CAPN1: variants seen among roughly 807,000 people sequenced by gnomAD.
CAPN1 encodes calpain 1.
CAPN1 carries 77 observed loss-of-function variants against 105.2 expected under a neutral mutation model. The observed-to-expected ratio is 0.73, with a 90% CI of 0.61 to 0.88. CAPN1 has a LOEUF of 0.88. CAPN1 is among the 40% of genes least tolerant of loss of function. The pLI, the probability that CAPN1 is intolerant of heterozygous loss-of-function variation, is 0.00. For missense variants in CAPN1, 833 were observed against 976.6 expected (o/e 0.85, Z 1.96); for synonymous variants, 355 against 388.8 (o/e 0.91, Z 1.02).
At chr11:65,203,872 TTTATTATTATTA>T (rs201058925) in intron 10 of CAPN1, among the ~76,000 whole-genome samples, 1 of 151,816 alleles carries the variant, frequency 6.6e-6, no homozygotes, top group Non-Finnish European at 1.5e-5. Context: ...TGTTATTATC[TTTATTATTATTA>T]TTATTATTGT....
chr11:65,185,145 T>C (rs566973049), intron 4 of CAPN1, among the ~76,000 whole-genome samples: 36 of 152,106 alleles, frequency 2.4e-4, no homozygotes, highest in African/African-American at 7.0e-4. Context: ...GGCATACAAA[T>C]TGATTAGCCT....
chr11:65,197,529 T>C (rs1948808358), intron 10 of CAPN1, among the ~76,000 whole-genome samples: 1 of 152,212 alleles, frequency 6.6e-6, no homozygotes, highest in Non-Finnish European at 1.5e-5. Flanking sequence ...CCAATCTTTC[T>C]ATAGCCCAAT....
intron 10 of CAPN1, among the ~76,000 whole-genome samples, chr11:65,191,342 C>T (rs991446211): frequency 1.3e-5 from 2 of 152,102 alleles, no homozygotes; most frequent in African/African-American, 4.8e-5. Flanking sequence ...GTTGCTCATA[C>T]GATAACATGC....
At chr11:65,203,878 A>T (rs1948909881) in intron 10 of CAPN1, among the ~76,000 whole-genome samples, 1 of 151,848 alleles carries the variant, frequency 6.6e-6, no homozygotes, top group African/African-American at 2.4e-5. Context: ...TATCTTTATT[A>T]TTATTATTAT....
chr11:65,211,141 A>C lies in CAPN1; in HGVS notation c.2119-119A>C, dbSNP rs1405716515. 3.5e-6 allele frequency: 4 copies of C among 1,146,402 alleles called. No individual in the cohort carries two copies. The East Asian group carries it at 1.0e-4, about 29-fold the overall frequency. The allele number at this position is 1,146,402 out of a possible 1,614,324, so 71.0% of individuals were successfully genotyped here. ...GAGGAGGTAAGAAAGTAACCCCTCC[A>C]TGAGGTTCCTGAGGTGGCTCCTGAG... On this transcript the variant is annotated intron_variant, in intron 21 of 21. Coordinates refer to ENST00000279247, the MANE Select transcript of CAPN1 (RefSeq NM_005186.4).
rs1171985764 is a variant in CAPN1, at chr11:65,183,123, C to G, written c.268-5C>G. ...CCGAGGAACAGGACTCTGGGTCTCT[C>G]GTAGGAACTGCTGTCAAACCCCCAG... On this transcript the variant is annotated splice_region_variant and splice_polypyrimidine_tract_variant and intron_variant, in intron 2 of 21. Transcript: ENST00000279247. 6.2e-7 allele frequency: 1 copy of G among 1,613,802 alleles called. No homozygotes were observed. The highest frequency in any genetic ancestry group is 1.7e-5 in the Admixed American group (1 of 60,008).
At chr11:65,194,210 C>T (rs903924603) in intron 10 of CAPN1, among the ~76,000 whole-genome samples, 5 of 152,006 alleles carry the variant, frequency 3.3e-5, no homozygotes, top group African/African-American at 4.8e-5. Flanking sequence ...TCAACTGATC[C>T]GCCCTGCTGT....
intron 7 of CAPN1, 192 bp downstream of exon 7, chr11:65,187,490 G>C (rs1027247719): frequency 1.7e-6 from 1 of 596,598 alleles, no homozygotes; most frequent in Admixed American, 3.0e-5. Context: ...TGTAGTTCAT[G>C]TGTGCAGCTG....
At position 65,210,741 on chromosome 11, in the gene CAPN1, G is replaced by T. The variant is rs1363799772; in HGVS notation, c.2060-73G>T. 10 of 1,224,574 alleles carry T rather than the reference G, an allele frequency of 8.2e-6. No homozygotes were observed. Among genetic ancestry groups the T allele is most frequent in the Non-Finnish European group, 1.2e-5 (10 of 825,196 alleles). 75.9% of individuals were successfully genotyped at this position (1,224,574 alleles called of 1,614,324 possible). On this transcript the variant is annotated intron_variant, in intron 20 of 21. Coordinates refer to ENST00000279247, the MANE Select transcript of CAPN1 (RefSeq NM_005186.4). The surrounding 1 kb of genome is among the most constrained non-coding windows in gnomAD (Gnocchi z 4.3). Reference sequence around the variant, plus strand: ...AGGTAGAGAGGGACCAGGCAGGAAGGGGGCCAGGCCTGGCCCTGCGTGAAT... The same window carrying T: ...AGGTAGAGAGGGACCAGGCAGGAAGTGGGCCAGGCCTGGCCCTGCGTGAAT...
At chr11:65,198,361 G>C (rs1590858823) in intron 10 of CAPN1, among the ~76,000 whole-genome samples, 1 of 151,998 alleles carries the variant, frequency 6.6e-6, no homozygotes, top group Non-Finnish European at 1.5e-5. Context: ...TACCCAGGCT[G>C]GTCTCAAACT....
rs1949010488 is a variant in CAPN1, at chr11:65,209,378, C to A, written c.1785C>A (p.Asn595Lys). 6.2e-7 allele frequency: 1 copy of A among 1,613,398 alleles called. No homozygotes were observed. The highest frequency in any genetic ancestry group is 1.3e-5 in the African/African-American group (1 of 74,918). ...TAGAGTCGTGCCGCAGCATGGTGAA[C>A]CTCATGGATGTATCCTTCCGTTTGC... ...FSLESCRSMVNLMDRDGNGKL... is the reference protein window; with the variant it reads ...FSLESCRSMVKLMDRDGNGKL... Residue 595 changes from asparagine (N) to lysine (K), a missense_variant, in exon 17 of 22, where the codon AAC becomes AAA. Physicochemically the swap from Asn to Lys is moderately conservative, Grantham distance 94 (BLOSUM62 0). Transcript: ENST00000279247. This position sits in a 1 kb window ranked among gnomAD's most constrained non-coding sequence, Gnocchi z 4.1.
intron 10 of CAPN1, chr11:65,203,647 C>T (rs1293632078): frequency 1.3e-5 from 2 of 152,282 alleles, no homozygotes; most frequent in Non-Finnish European, 2.9e-5. Context: ...AGGTGTGAGC[C>T]ACCGCGCCCT....
intron 10 of CAPN1, among the ~76,000 whole-genome samples, chr11:65,192,797 G>T (rs917451614): frequency 2.6e-5 from 4 of 151,178 alleles, no homozygotes; most frequent in South Asian, 4.2e-4. Flanking sequence ...ATAGAGATGG[G>T]GGTCTCACTA....
intron 10 of CAPN1, among the ~76,000 whole-genome samples, chr11:65,197,327 G>A (rs1366147616): frequency 6.6e-6 from 1 of 152,064 alleles, no homozygotes; most frequent in Admixed American, 6.6e-5. Flanking sequence ...TTTGAGCTAT[G>A]ATATTTGGTA....
chr11:65,182,877 A>G lies in CAPN1; in HGVS notation c.176A>G (p.Glu59Gly). Residue 59 changes from glutamate to glycine, a missense_variant, in exon 2 of 22, where the codon GAG (glutamate) becomes GGG (glycine). Glu to Gly is a moderately conservative substitution (Grantham distance 98). Transcript: ENST00000279247. ...CLQSGTLFRD[E>G]AFPPVPQSLG... is the part of the protein sequence containing the mutation. Reference sequence around the variant, plus strand: ...CAGAGTGGGACCCTCTTCCGTGATGAGGCCTTCCCCCCGGTACCCCAGAGC... The same window carrying G: ...CAGAGTGGGACCCTCTTCCGTGATGGGGCCTTCCCCCCGGTACCCCAGAGC... 1 of 1,603,660 alleles carries G rather than the reference A, an allele frequency of 6.2e-7. No individual in the cohort carries two copies. The highest frequency in any genetic ancestry group is 8.5e-7 in the Non-Finnish European group (1 of 1,175,406).
rs1949034612 is a variant in CAPN1, at chr11:65,210,651, C to A, written c.2060-163C>A. 6.6e-6 allele frequency among the ~76,000 whole-genome samples: 1 copy of A among 152,012 alleles called. No homozygotes were observed. Among genetic ancestry groups the A allele is most frequent in the African/African-American group, 2.4e-5 (1 of 41,384 alleles). ...GGAGGGAGGGAGTTGACAGTGGCTT[C>A]TCAGGCAGCAGGAAGGGGTGAAGCT... On this transcript the variant is annotated intron_variant, in intron 20 of 21. Transcript: ENST00000279247. The surrounding 1 kb of genome is among the most constrained non-coding windows in gnomAD (Gnocchi z 4.3).
At chr11:65,201,833 T>G (rs547925131) in intron 10 of CAPN1, among the ~76,000 whole-genome samples, 31 of 148,644 alleles carry the variant, frequency 2.1e-4, no homozygotes, top group African/African-American at 7.2e-4. Flanking sequence ...TTTTGTTTTT[T>G]TTTTTTTGAG....
chr11:65,183,071 C>T, intron 2 of CAPN1, 57 bp from the exon 3 acceptor site: 1 of 1,610,602 alleles, frequency 6.2e-7, no homozygotes, highest in South Asian at 1.1e-5. Flanking sequence ...CTGGGGTGGC[C>T]TGGTGCCAAT....
chr11:65,199,084 C>T (rs2137362196), intron 10 of CAPN1, among the ~76,000 whole-genome samples: 1 of 152,346 alleles, frequency 6.6e-6, no homozygotes, highest in Non-Finnish European at 1.5e-5. Context: ...ATCCACCCTC[C>T]TCAGCCTCCC....
Sources: gnomAD v4.1 joint callset for allele counts (sites outside exome capture counted in the v4.1 genomes callset) on GRCh38, gnomAD v4.1.1 for gene constraint, Gnocchi (gnomAD v3.1) non-coding constraint, MANE v1.5 for transcripts, NCBI Gene and HGNC (gene_info 2026-07-23, HGNC 2026-07-21) for gene names.